PRKAR1A: variants seen among roughly 807,000 people sequenced by gnomAD.
The protein encoded by PRKAR1A is cAMP-dependent protein kinase type I-alpha regulatory subunit.
PRKAR1A carries 3 observed loss-of-function variants against 52.0 expected under a neutral mutation model. The ratio of observed to expected loss-of-function variants is 0.06; its 90% CI spans 0.03 to 0.15. The LOEUF (loss-of-function observed/expected upper bound fraction) is 0.15, where lower values mean the gene tolerates loss of function less well. PRKAR1A is among the 10% of genes least tolerant of loss of function. The probability of loss-of-function intolerance (pLI) is 1.00; values close to 1 mark genes in which losing one functional copy is unlikely to be tolerated. For missense variants in PRKAR1A, 240 were observed against 477.4 expected, an observed-to-expected ratio of 0.50 and a Z score of 4.63; for synonymous variants, 188 against 168.4, an observed-to-expected ratio of 1.12 and a Z score of -0.90.
chr17:68,475,810 C>T, the PRKAR1A span, among the ~76,000 whole-genome samples: 1 of 152,140 alleles, frequency 6.6e-6, no homozygotes, highest in Non-Finnish European at 1.5e-5. Context: ...CAGGTCTAAA[C>T]ATTTTCTGAT....
At chr17:68,482,199 C>T in the PRKAR1A span, among the ~76,000 whole-genome samples, 23 of 152,182 alleles carry the variant, frequency 1.5e-4, no homozygotes, top group South Asian at 4.1e-4. Context: ...AAAAGACAGA[C>T]GGATTTGACT....
intron 11 of PRKAR1A, chr17:68,543,818 CTT>C: frequency 9.5e-7 from 1 of 1,049,664 alleles, no homozygotes; most frequent in Non-Finnish European, 1.5e-6. Flanking sequence ...GGAAAACGGG[CTT>C]TTATGCTTTT....
chr17:68,541,132 C>T (rs2086271664), intron 11 of PRKAR1A: 1 of 871,472 alleles, frequency 1.1e-6, no homozygotes. Context: ...GCTGCATATT[C>T]CGTGTGGTGA....
chr17:68,548,656 T>A (rs1229519560), intron 11 of PRKAR1A, among the ~76,000 whole-genome samples: 1 of 151,894 alleles, frequency 6.6e-6, no homozygotes, highest in Non-Finnish European at 1.5e-5. Context: ...AAGCCTTCAC[T>A]TTGTAAAAAA....
chr17:68,420,791 T>C, the PRKAR1A span: 1 of 310,736 alleles, frequency 3.2e-6, no homozygotes, highest in Non-Finnish European at 6.0e-6. Context: ...AATAAAGGCA[T>C]ACATGAAAAT....
chr17:68,421,537 T>C, the PRKAR1A span: 101 of 556,220 alleles, frequency 1.8e-4, no homozygotes, highest in Non-Finnish European at 2.7e-4. Context: ...ACACTATAGT[T>C]TGAACGTATT....
chr17:68,431,814 G>A, the PRKAR1A span, among the ~76,000 whole-genome samples: 2 of 11,676 alleles, frequency 1.7e-4, no homozygotes, highest in Non-Finnish European at 3.6e-4. Flanking sequence ...TCTGCTCCTG[G>A]TCACCTGTGC....
At chr17:68,427,103 G>A in the PRKAR1A span, 1 of 1,562,780 alleles carries the variant, frequency 6.4e-7, no homozygotes, top group Non-Finnish European at 8.8e-7. Context: ...CACTGTTGGA[G>A]ATGCTCCCCT....
the PRKAR1A span, among the ~76,000 whole-genome samples, chr17:68,429,498 A>G: frequency 1.3e-5 from 2 of 152,218 alleles, no homozygotes; most frequent in Non-Finnish European, 2.9e-5. Context: ...TAAAATTCCC[A>G]TGCCAACTTC....
chr17:68,468,538 A>G, the PRKAR1A span, among the ~76,000 whole-genome samples: 1 of 152,220 alleles, frequency 6.6e-6, no homozygotes, highest in Non-Finnish European at 1.5e-5. Flanking sequence ...AACCTCTGTT[A>G]TAAATGGAAA....
the PRKAR1A span, among the ~76,000 whole-genome samples, chr17:68,479,650 C>A: frequency 6.6e-6 from 1 of 152,254 alleles, no homozygotes; most frequent in South Asian, 2.1e-4. Context: ...GTCTTTTCTT[C>A]AAATTTACAC....
the PRKAR1A span, among the ~76,000 whole-genome samples, chr17:68,496,477 G>C: frequency 1.3e-5 from 2 of 152,168 alleles, no homozygotes; most frequent in African/African-American, 4.8e-5. Context: ...GATAATCCAG[G>C]ACAATCTCTG....
At chr17:68,488,259 G>A in the PRKAR1A span, among the ~76,000 whole-genome samples, 1 of 152,148 alleles carries the variant, frequency 6.6e-6, no homozygotes, top group African/African-American at 2.4e-5. Flanking sequence ...GGAGAAAGGT[G>A]GGAGCAGGAG....
chr17:68,527,584 T>C (rs567379215), intron 7 of PRKAR1A: 2 of 441,368 alleles, frequency 4.5e-6, no homozygotes, highest in South Asian at 2.2e-5. Context: ...TTGTGAAATA[T>C]GTCAACATAC....
At chr17:68,551,277 T>G in exon 12 of PRKAR1A, 1 of 486,192 alleles carries the variant, frequency 2.1e-6, no homozygotes, top group Non-Finnish European at 3.3e-6. Context: ...GGCATGTAGT[T>G]GCTGTTGTTA....
At chr17:68,422,043 CTG>C in the PRKAR1A span, 97 of 584,172 alleles carry the variant, frequency 1.7e-4, no homozygotes, top group East Asian at 2.3e-4. Flanking sequence ...AAAAATGTCT[CTG>C]TGTGTGTGTG....
At chr17:68,546,261 C>A (rs1293633758) in intron 11 of PRKAR1A, among the ~76,000 whole-genome samples, 1 of 151,334 alleles carries the variant, frequency 6.6e-6, no homozygotes, top group Non-Finnish European at 1.5e-5. Context: ...TTTCAGACTC[C>A]ACTTCTAATT....
At chr17:68,537,398 G>C, downstream of PRKAR1A, 2 of 1,577,694 alleles carry the variant, frequency 1.3e-6, no homozygotes, top group Non-Finnish European at 1.7e-6. This position sits in a 1 kb window ranked among gnomAD's most constrained non-coding sequence, Gnocchi z 4.2. Flanking sequence ...TAACAGGTGG[G>C]AGTGAGGACG....
the PRKAR1A span, among the ~76,000 whole-genome samples, chr17:68,497,104 G>A: frequency 2.0e-5 from 3 of 152,262 alleles, no homozygotes; most frequent in East Asian, 1.9e-4. Flanking sequence ...GATTACAGGC[G>A]TGAGCCACTG....
Sources: gnomAD v4.1 joint callset for allele counts (sites outside exome capture counted in the v4.1 genomes callset) on GRCh38, gnomAD v4.1.1 for gene constraint, Gnocchi (gnomAD v3.1) non-coding constraint, MANE v1.5 for transcripts, NCBI Gene and HGNC (gene_info 2026-07-23, HGNC 2026-07-21) for gene names.